Variants in BRD10 observed in about 807,000 individuals in gnomAD.
The protein encoded by BRD10 is bromodomain containing 10, also known as uncharacterized bromodomain-containing protein 10.
At chr9:5,930,121 G>GTT in the BRD10 span, among the ~76,000 whole-genome samples, 27,982 of 146,036 alleles carry the variant, frequency 0.19, 2,828 homozygotes, top group Middle Eastern at 0.27. Context: ...ATCATGTTGG[G>GTT]TTTTTTTTTT....
chr9:5,915,091 T>C, the BRD10 span, among the ~76,000 whole-genome samples: 4 of 152,196 alleles, frequency 2.6e-5, no homozygotes, highest in Admixed American at 1.3e-4. Flanking sequence ...ACTTTGTTCA[T>C]GATATTATTT....
the BRD10 span, among the ~76,000 whole-genome samples, chr9:5,904,241 G>A: frequency 3.3e-5 from 5 of 152,150 alleles, no homozygotes; most frequent in South Asian, 2.1e-4. Flanking sequence ...GTTGGGTCTT[G>A]TTTGTTGATC....
At chr9:5,939,652 C>G in the BRD10 span, among the ~76,000 whole-genome samples, 1 of 152,226 alleles carries the variant, frequency 6.6e-6, no homozygotes. Flanking sequence ...CTTGTTTTCT[C>G]TCCAAGTAAG....
chr9:5,966,961 C>T, the BRD10 span, among the ~76,000 whole-genome samples: 5 of 152,082 alleles, frequency 3.3e-5, no homozygotes, highest in Non-Finnish European at 7.4e-5. Context: ...ATATTTTATA[C>T]TACTTTATCA....
At chr9:6,001,200 T>G in the BRD10 span, among the ~76,000 whole-genome samples, 2 of 152,240 alleles carry the variant, frequency 1.3e-5, no homozygotes, top group Non-Finnish European at 2.9e-5. Context: ...CTATTCCTAC[T>G]GTTTATTATC....
the BRD10 span, chr9:5,968,973 C>G: frequency 2.5e-6 from 4 of 1,609,460 alleles, no homozygotes; most frequent in Non-Finnish European, 3.4e-6. Context: ...AAAGGTAGTT[C>G]GTGAAAAGGT....
the BRD10 span, among the ~76,000 whole-genome samples, chr9:5,901,226 T>C: frequency 1.3e-5 from 2 of 152,186 alleles, no homozygotes; most frequent in Non-Finnish European, 2.9e-5. Context: ...TTCCAGTTTA[T>C]TGCATTAGTT....
At chr9:5,883,465 T>C in the BRD10 span, among the ~76,000 whole-genome samples, 1,222 of 120,836 alleles carry the variant, frequency 0.01, 15 homozygotes, top group African/African-American at 0.041. Flanking sequence ...TCTTCTTCTT[T>C]TTTTTTTTTT....
the BRD10 span, among the ~76,000 whole-genome samples, chr9:5,884,563 G>A: frequency 6.6e-6 from 1 of 152,164 alleles, no homozygotes; most frequent in African/African-American, 2.4e-5. Flanking sequence ...CACTGGACTG[G>A]CCTTCATCTC....
At chr9:5,995,356 T>C in the BRD10 span, among the ~76,000 whole-genome samples, 1 of 152,358 alleles carries the variant, frequency 6.6e-6, no homozygotes, top group African/African-American at 2.4e-5. Flanking sequence ...CCATCCTTAC[T>C]TTATGTTTCA....
At chr9:5,936,506 A>G in the BRD10 span, among the ~76,000 whole-genome samples, 1 of 152,210 alleles carries the variant, frequency 6.6e-6, no homozygotes, top group Non-Finnish European at 1.5e-5. Context: ...ATTTTAAAGT[A>G]GTGGAACATC....
chr9:5,969,289 A>T, the BRD10 span: 9 of 1,613,926 alleles, frequency 5.6e-6, no homozygotes, highest in Middle Eastern at 3.3e-4. Context: ...GAATTTGCTG[A>T]GCTAAACAAA....
At chr9:5,903,084 A>C in the BRD10 span, among the ~76,000 whole-genome samples, 8 of 151,986 alleles carry the variant, frequency 5.3e-5, no homozygotes, top group Admixed American at 5.2e-4. Flanking sequence ...CCTTTGACTC[A>C]TGTGTTATGT....
At chr9:5,924,753 C>T in the BRD10 span, 12 of 1,606,866 alleles carry the variant, frequency 7.5e-6, no homozygotes, top group Middle Eastern at 5.0e-4. Context: ...TCCAAGATCT[C>T]CTTCACCTTC....
chr9:5,903,750 T>A, the BRD10 span, among the ~76,000 whole-genome samples: 1 of 152,248 alleles, frequency 6.6e-6, no homozygotes, highest in Admixed American at 6.5e-5. Flanking sequence ...CGTTATGTAA[T>A]ATCCCTCTTT....
the BRD10 span, chr9:5,922,463 T>C: frequency 6.2e-7 from 1 of 1,614,002 alleles, no homozygotes; most frequent in Non-Finnish European, 8.5e-7. Flanking sequence ...ACTACTTATA[T>C]TTGATAAAGG....
At chr9:6,003,872 A>G in the BRD10 span, among the ~76,000 whole-genome samples, 8 of 152,262 alleles carry the variant, frequency 5.3e-5, no homozygotes, top group African/African-American at 1.9e-4. Context: ...TAAAATAATA[A>G]CAGAACATAC....
the BRD10 span, chr9:5,969,567 A>G: frequency 7.3e-6 from 5 of 680,926 alleles, no homozygotes; most frequent in African/African-American, 5.5e-5. Flanking sequence ...TATTTGAGAC[A>G]GAGTCTCGCT....
At chr9:5,892,148 G>T in the BRD10 span, among the ~76,000 whole-genome samples, 1 of 152,220 alleles carries the variant, frequency 6.6e-6, no homozygotes, top group Non-Finnish European at 1.5e-5. Context: ...TCAAATTGAA[G>T]GCAAATGAGG....
Sources: gnomAD v4.1 joint callset for allele counts (sites outside exome capture counted in the v4.1 genomes callset) on GRCh38, gnomAD v4.1.1 for gene constraint, MANE v1.5 for transcripts, NCBI Gene and HGNC (gene_info 2026-07-23, HGNC 2026-07-21) for gene names.